Variants in TRAM1 observed in about 807,000 individuals in gnomAD.
TRAM1 encodes the protein translocating chain-associated membrane protein 1.
In TRAM1, 17 loss-of-function variants were observed where a neutral mutation model predicts 48.7. The observed-to-expected ratio is 0.35, with a 90% confidence interval of 0.24 to 0.52. The LOEUF is 0.52. Among genes scored for constraint, TRAM1 ranks in the 20% least tolerant of loss-of-function variants. The pLI is 0.94. For synonymous variants in TRAM1, 182 were observed against 154.0 expected (o/e 1.18, Z -1.34); for missense variants, 351 against 441.5 (o/e 0.79, Z 1.84).
At chr8:70,578,255 T>C (rs1817003004) in intron 10 of TRAM1, among the ~76,000 whole-genome samples, 1 of 152,174 alleles carries the variant, frequency 6.6e-6, no homozygotes. Flanking sequence ...ACTACAGGCA[T>C]GCACCACGAT....
chr8:70,601,200 C>A (rs1348425729), intron 1 of TRAM1, among the ~76,000 whole-genome samples: 1 of 152,104 alleles, frequency 6.6e-6, no homozygotes, highest in Non-Finnish European at 1.5e-5. Context: ...ACATCCCCCT[C>A]CCTACCTGCT....
chr8:70,584,857 A>G (rs1817172975), intron 8 of TRAM1, among the ~76,000 whole-genome samples: 1 of 152,148 alleles, frequency 6.6e-6, no homozygotes, highest in Admixed American at 6.5e-5. Context: ...ATACTGCCCA[A>G]GGTAATTTAT....
chr8:70,582,445 C>T (rs1159649516), intron 10 of TRAM1, among the ~76,000 whole-genome samples: 1 of 150,744 alleles, frequency 6.6e-6, no homozygotes, highest in Admixed American at 6.6e-5. Context: ...AGGCACCCCC[C>T]ACTGCACCTA....
intron 6 of TRAM1, among the ~76,000 whole-genome samples, chr8:70,591,035 C>A (rs1327697716): frequency 1.3e-5 from 2 of 151,556 alleles, no homozygotes; most frequent in Non-Finnish European, 2.9e-5. Flanking sequence ...GAGTAGAATA[C>A]CACAAGGGGT....
Position 70,608,301 on chromosome 8 carries a change from C to T in TRAM1, c.-102G>A. 1.4e-6 allele frequency: 2 copies of T among 1,423,834 alleles called. No homozygotes were observed. Among genetic ancestry groups the T allele is most frequent in the South Asian group, 1.4e-5 (1 of 70,734 alleles). 88.2% of individuals were successfully genotyped at this position (1,423,834 alleles called of 1,614,324 possible). On this transcript the variant is annotated 5_prime_UTR_variant, in exon 1 of 11. Coordinates refer to ENST00000262213, the MANE Select transcript of TRAM1 (RefSeq NM_014294.6). Reference sequence around the variant, plus strand: ...CCTCCCGCTGGCTGCTCCTCACGGCCCCGCTGCAGCCGCTCGCTGGGGCTT... The same window carrying T: ...CCTCCCGCTGGCTGCTCCTCACGGCTCCGCTGCAGCCGCTCGCTGGGGCTT...
intron 1 of TRAM1, among the ~76,000 whole-genome samples, chr8:70,606,299 T>A (rs1192419266): frequency 6.6e-6 from 1 of 152,138 alleles, no homozygotes; most frequent in Non-Finnish European, 1.5e-5. Context: ...CTCAAGTAAT[T>A]ATCCCACCTC....
rs1286894585 is a variant in TRAM1 at position 70,608,407 on chromosome 8, G to A, written c.-208C>T. The A allele has an allele frequency of 6.7e-6, 3 of 448,702 alleles. No individual in the cohort carries two copies. The highest frequency in any genetic ancestry group is 1.1e-5 in the Non-Finnish European group (3 of 269,696). The allele number at this position is 448,702 out of a possible 1,614,324, so 27.8% of individuals were successfully genotyped here. A position where few individuals can be genotyped will look rare whatever the true frequency, so the allele number is the denominator to read the frequency against. ...AAACACAACAGCTAGCCCGCAGCGG[G>A]GGCGAGCATGCGCACCAGGGAGACG... On this transcript the variant is annotated 5_prime_UTR_variant, in exon 1 of 11. Transcript: ENST00000262213.
intron 10 of TRAM1, among the ~76,000 whole-genome samples, chr8:70,577,511 C>T (rs1433715840): frequency 2.0e-5 from 3 of 152,234 alleles, no homozygotes; most frequent in Non-Finnish European, 4.4e-5. Flanking sequence ...TGGATAGGAG[C>T]TAACCACTTC....
chr8:70,603,303 T>TATATAC lies in TRAM1; in HGVS notation c.124-3222_124-3221insGTATAT, dbSNP rs1041808375. Among the ~76,000 whole-genome samples, 88 of 150,062 alleles carry TATATAC rather than the reference T, an allele frequency of 5.9e-4. 1 individual carries two copies. The highest frequency in any genetic ancestry group is 2.0e-3 in the African/African-American group (82 of 40,770). ...ATATACACACTATATATATGTTTTA[T>TATATAC]ACACACACACACACACACACACACA... On this transcript the variant is annotated intron_variant, in intron 1 of 10. Transcript: ENST00000262213.
chr8:70,591,493 C>G (rs534640622), intron 6 of TRAM1, among the ~76,000 whole-genome samples: 1 of 152,198 alleles, frequency 6.6e-6, no homozygotes, highest in Non-Finnish European at 1.5e-5. Context: ...AGGGAGAGAA[C>G]AGAGAAGGCT....
intron 6 of TRAM1, among the ~76,000 whole-genome samples, chr8:70,591,710 C>T (rs576487338): frequency 7.4e-4 from 112 of 152,238 alleles, no homozygotes; most frequent in African/African-American, 2.5e-3. Flanking sequence ...GATCTCCCCC[C>T]AAACCCCAGA....
chr8:70,574,836 A>G lies in TRAM1; in HGVS notation c.*96T>C, dbSNP rs1816910550. 3 of 883,634 alleles carry G rather than the reference A, an allele frequency of 3.4e-6. No individual in the cohort carries two copies. In the South Asian group the frequency reaches 4.6e-5, roughly 13 times the overall value. 54.7% of individuals were successfully genotyped at this position (883,634 alleles called of 1,614,324 possible). On this transcript the variant is annotated 3_prime_UTR_variant, in exon 11 of 11. Transcript: ENST00000262213. The stretch of plus-strand genomic sequence containing the variant: ...TACAATAGCAAAAATCAAAGAGCAC[A>G]GACTGTATTTTCAAGAACAGAAAAA...
chr8:70,586,443 A>G (rs1350490476), intron 8 of TRAM1, among the ~76,000 whole-genome samples: 6 of 152,160 alleles, frequency 3.9e-5, no homozygotes, highest in Non-Finnish European at 8.8e-5. Context: ...TAATAAAAAA[A>G]GAGTCCCAGT....
chr8:70,603,522 G>T (rs1210026323), intron 1 of TRAM1, among the ~76,000 whole-genome samples: 2 of 152,142 alleles, frequency 1.3e-5, no homozygotes, highest in African/African-American at 4.8e-5. Context: ...TTCAAGACCA[G>T]CCTGGCCAAC....
In TRAM1 at chr8:70,594,591, C is replaced by A; in HGVS notation, c.486-1G>T. 6.3e-7 allele frequency: 1 copy of A among 1,582,494 alleles called. No homozygotes were observed. Among genetic ancestry groups the A allele is most frequent in the Non-Finnish European group, 8.6e-7 (1 of 1,167,378 alleles). On this transcript the variant is annotated splice_acceptor_variant, in intron 5 of 10. Transcript: ENST00000262213. LOFTEE classifies it high-confidence loss of function. ...TATGTAGAAAAACTTCATTTGAAAT[C>A]TGTACAACACAAGAAAATGAAGAGT...
In TRAM1 at chr8:70,574,960, G is replaced by A. The variant is rs1367762957; in HGVS notation, c.1097C>T (p.Pro366Leu). Reference sequence around the variant, plus strand: ...TGAAGATTTCTCTTTTTTATTCCGGGGAGAGTCTGCTACATTTGAAGTTAA... The same window carrying A: ...TGAAGATTTCTCTTTTTTATTCCGGAGAGAGTCTGCTACATTTGAAGTTAA... ...GTLTSNVADS[P>L]RNKKEKSS The change falls in exon 11 of 11, where the codon CCC becomes CTC. Residue 366 changes from proline to leucine, a missense_variant. Physicochemically the swap from Pro to Leu is moderately conservative, Grantham distance 98. Coordinates refer to ENST00000262213, the MANE Select transcript of TRAM1 (RefSeq NM_014294.6). 4 of 1,609,816 alleles carry A rather than the reference G, an allele frequency of 2.5e-6. No homozygotes were observed. Among genetic ancestry groups the A allele is most frequent in the Non-Finnish European group, 3.4e-6 (4 of 1,178,086 alleles).
chr8:70,587,053 C>A (rs1051733896), intron 7 of TRAM1, 53 bp downstream of exon 7: 1 of 1,611,388 alleles, frequency 6.2e-7, no homozygotes, highest in Middle Eastern at 1.7e-4. Flanking sequence ...TAAGACAGGT[C>A]AGCATACTAT....
chr8:70,601,121 G>A (rs552676548), intron 1 of TRAM1, among the ~76,000 whole-genome samples: 6 of 152,272 alleles, frequency 3.9e-5, no homozygotes, highest in African/African-American at 1.4e-4. Context: ...GACCTGCTAA[G>A]TGGTATCCCA....
chr8:70,596,178 TA>T, intron 5 of TRAM1, 84 bp downstream of exon 5: 1 of 1,159,428 alleles, frequency 8.6e-7, no homozygotes, highest in Non-Finnish European at 1.2e-6. Context: ...CCTAAGGTCC[TA>T]AAGAGAATAA....
Sources: allele counts gnomAD v4.1 joint callset (sites outside exome capture counted in the v4.1 genomes callset), GRCh38; gene constraint gnomAD v4.1.1; transcripts MANE v1.5; gene names NCBI Gene and HGNC (gene_info 2026-07-23, HGNC 2026-07-21).